ARHGEF10: variants seen among roughly 807,000 people sequenced by gnomAD.
ARHGEF10 encodes the protein Rho guanine nucleotide exchange factor 10.
A neutral mutation model predicts 147.4 loss-of-function variants in ARHGEF10; 140 were observed. The observed-to-expected ratio is 0.95, with a 90% confidence interval of 0.83 to 1.09. The LOEUF (loss-of-function observed/expected upper bound fraction) is 1.09, where lower values mean the gene tolerates loss of function less well. Ranked by LOEUF, ARHGEF10 falls within the 50% of genes least tolerant of loss-of-function variation. The probability of loss-of-function intolerance (pLI) is 0.00; values close to 1 mark genes in which losing one functional copy is unlikely to be tolerated. For missense variants in ARHGEF10, 2,222 were observed against 1,752.7 expected, an observed-to-expected ratio of 1.27 and a Z score of -4.78; for synonymous variants, 902 against 695.8, an observed-to-expected ratio of 1.30 and a Z score of -4.67.
chr8:1,833,533 G>A (rs1028036320), intron 1 of ARHGEF10, among the ~76,000 whole-genome samples: 6 of 152,312 alleles, frequency 3.9e-5, no homozygotes, highest in South Asian at 2.1e-4. Context: ...CCCCAAGCAC[G>A]GCCCTCACGG....
chr8:1,857,508 C>T (rs574749745), intron 2 of ARHGEF10, among the ~76,000 whole-genome samples: 378 of 151,952 alleles, frequency 2.5e-3, no homozygotes, highest in Non-Finnish European at 4.0e-3. Flanking sequence ...CAACCTCCGC[C>T]TCTCGGGTTC....
In ARHGEF10 at chr8:1,832,377, C is replaced by T. The variant is rs537631821; in HGVS notation, c.-48+8264C>T. ...AGACAGGCAGAGACAGAGACAGAGA[C>T]AGAGGCAGAGGCAGAGACAGAGAGA... On this transcript the variant is annotated intron_variant, in intron 1 of 28. Transcript: ENST00000349830. Among the ~76,000 whole-genome samples, 5 of 46,632 alleles carry T rather than the reference C, an allele frequency of 1.1e-4. No individual in the cohort carries two copies. The East Asian group carries it at 1.5e-3, about 14-fold the overall frequency. The allele number at this position is 46,632 out of a possible 152,430, so 30.6% of individuals were successfully genotyped here.
chr8:1,844,360 A>ATCCAGGGGTCCCTGGGGCCTGGTGGAT (rs1267610717), intron 2 of ARHGEF10, among the ~76,000 whole-genome samples: 1 of 152,198 alleles, frequency 6.6e-6, no homozygotes. Context: ...TAGATGACAA[A>ATCCAGGGGTCCCTGGGGCCTGGTGGAT]GACAGGAGAA....
At position 1,849,824 on chromosome 8, in the gene ARHGEF10, A is replaced by G. The variant is rs1236421227; in HGVS notation, c.37+6388A>G. On this transcript the variant is annotated intron_variant, in intron 2 of 28. Coordinates refer to ENST00000349830, the MANE Select transcript of ARHGEF10 (RefSeq NM_014629.4). ...GGCCGGCTGCGTGGACACAGGGCAAATGCTGAGGAGGGCTTGGGCGGCCAC... is the reference window on the plus strand; with the variant it reads ...GGCCGGCTGCGTGGACACAGGGCAAGTGCTGAGGAGGGCTTGGGCGGCCAC... Among the ~76,000 whole-genome samples, 8 of 124,466 alleles carry G rather than the reference A, an allele frequency of 6.4e-5. 1 individual carries two copies. The highest frequency in any genetic ancestry group is 2.6e-4 in the African/African-American group (8 of 30,274). 81.7% of individuals were successfully genotyped at this position (124,466 alleles called of 152,430 possible).
At chr8:1,870,992 A>C (rs900435178) in intron 7 of ARHGEF10, 2 of 152,006 alleles carry the variant, frequency 1.3e-5, no homozygotes, top group African/African-American at 2.4e-5. Context: ...GGGCGCCTGT[A>C]ATTCCAGCTA....
chr8:1,867,350 T>G (rs140030040), intron 6 of ARHGEF10, among the ~76,000 whole-genome samples: 309 of 152,350 alleles, frequency 2.0e-3, no homozygotes, highest in African/African-American at 7.0e-3. Context: ...CAATTTTTGG[T>G]CACGTGAATG....
intron 27 of ARHGEF10, among the ~76,000 whole-genome samples, chr8:1,950,772 G>C (rs567537073): frequency 1.7e-5 from 2 of 115,428 alleles, no homozygotes; most frequent in Non-Finnish European, 3.4e-5. Flanking sequence ...TAGGGATGGG[G>C]TTTCACTATG....
intron 10 of ARHGEF10, among the ~76,000 whole-genome samples, chr8:1,884,872 C>T (rs1207558344): frequency 6.6e-6 from 1 of 152,202 alleles, no homozygotes; most frequent in Non-Finnish European, 1.5e-5. Context: ...TCAGGCGATC[C>T]TCCTGCCTCA....
At chr8:1,939,131 C>T (rs1813871321) in intron 26 of ARHGEF10, among the ~76,000 whole-genome samples, 2 of 152,252 alleles carry the variant, frequency 1.3e-5, no homozygotes, top group Admixed American at 6.5e-5. Flanking sequence ...CTCCTGAACA[C>T]TGTGGAATCC....
chr8:1,889,318 C>A, intron 11 of ARHGEF10, among the ~76,000 whole-genome samples: 1 of 79,582 alleles, frequency 1.3e-5, no homozygotes, highest in Non-Finnish European at 2.4e-5. Context: ...GGTGAGCTTT[C>A]TTAGGAGACA....
intron 26 of ARHGEF10, among the ~76,000 whole-genome samples, chr8:1,935,590 C>T (rs1813527165): frequency 6.6e-6 from 1 of 152,192 alleles, no homozygotes; most frequent in African/African-American, 2.4e-5. Context: ...TTAGGGCAGC[C>T]CCTCCGGAGG....
intron 1 of ARHGEF10, among the ~76,000 whole-genome samples, 160 bp downstream of exon 1, chr8:1,824,273 C>T (rs1211539824): frequency 6.6e-6 from 1 of 152,094 alleles, no homozygotes; most frequent in Admixed American, 6.5e-5. Context: ...GGCTGAGACC[C>T]CCTCCCCCCG....
chr8:1,931,634 G>A (rs1813156597), intron 25 of ARHGEF10, among the ~76,000 whole-genome samples: 1 of 152,248 alleles, frequency 6.6e-6, no homozygotes, highest in Non-Finnish European at 1.5e-5. Context: ...GCTGGCTGGA[G>A]GCCTCGGCCC....
intron 27 of ARHGEF10, among the ~76,000 whole-genome samples, chr8:1,951,265 A>C (rs1815024356): frequency 6.6e-6 from 1 of 152,220 alleles, no homozygotes; most frequent in Non-Finnish European, 1.5e-5. Flanking sequence ...AGCAGCTGGG[A>C]ATCGCGTACC....
intron 14 of ARHGEF10, among the ~76,000 whole-genome samples, chr8:1,897,651 C>G (rs974970877): frequency 9.9e-5 from 15 of 152,228 alleles, no homozygotes; most frequent in South Asian, 2.1e-4. Flanking sequence ...CCACTGTGGA[C>G]AGTTGTGGCC....
chr8:1,881,194 C>A (rs1190045072), intron 9 of ARHGEF10, among the ~76,000 whole-genome samples: 2 of 152,118 alleles, frequency 1.3e-5, no homozygotes, highest in Non-Finnish European at 1.5e-5. Flanking sequence ...ACGCTCGCTT[C>A]CCCTGGTGAG....
chr8:1,950,816 G>A (rs756285791), intron 27 of ARHGEF10, among the ~76,000 whole-genome samples: 8 of 150,812 alleles, frequency 5.3e-5, no homozygotes, highest in Non-Finnish European at 1.0e-4. Context: ...CTGGCCTCAG[G>A]GGATCCACCC....
intron 10 of ARHGEF10, 27 bp downstream of exon 10, chr8:1,882,776 G>GTCTTCTT: frequency 2.0e-6 from 3 of 1,500,356 alleles, no homozygotes; most frequent in East Asian, 2.5e-5. Flanking sequence ...CTTCTTGCGG[G>GTCTTCTT]GAGGACACGG....
chr8:1,933,693 C>T (rs1045510298), intron 25 of ARHGEF10, 107 bp from the exon 26 acceptor site: 45 of 1,378,714 alleles, frequency 3.3e-5, no homozygotes, highest in Non-Finnish European at 4.6e-5. Flanking sequence ...ATTAACATTA[C>T]AGGTGATCCT....
Sources: gnomAD v4.1 joint callset for allele counts (sites outside exome capture counted in the v4.1 genomes callset) on GRCh38, gnomAD v4.1.1 for gene constraint, MANE v1.5 for transcripts, NCBI Gene and HGNC (gene_info 2026-07-23, HGNC 2026-07-21) for gene names.